GALNTL6: variants seen among roughly 807,000 people sequenced by gnomAD.
The protein encoded by GALNTL6 is polypeptide N-acetylgalactosaminyltransferase-like 6.
GALNTL6 carries 46 observed loss-of-function variants against 73.7 expected under a neutral mutation model. The observed-to-expected ratio is 0.62, with a 90% CI of 0.49 to 0.80. GALNTL6 has a LOEUF of 0.80. GALNTL6 is among the 30% of genes least tolerant of loss of function. GALNTL6 has a pLI of 0.00. For synonymous variants in GALNTL6, 259 were observed against 263.7 expected (o/e 0.98, Z 0.17); for missense variants, 604 against 755.0 (o/e 0.80, Z 2.34).
intron 8 of GALNTL6, among the ~76,000 whole-genome samples, chr4:172,915,729 C>G (rs1579649038): frequency 6.6e-6 from 1 of 152,304 alleles, no homozygotes; most frequent in Middle Eastern, 3.4e-3. Context: ...AGTCCAATAA[C>G]AAGGTCTGAA....
chr4:172,024,979 A>G (rs1741513649), intron 2 of GALNTL6, among the ~76,000 whole-genome samples: 1 of 151,964 alleles, frequency 6.6e-6, no homozygotes. Flanking sequence ...TACCCATCCA[A>G]GATAAATCTT....
At chr4:172,200,382 A>C (rs766769912) in intron 2 of GALNTL6, among the ~76,000 whole-genome samples, 1 of 152,196 alleles carries the variant, frequency 6.6e-6, no homozygotes, top group Non-Finnish European at 1.5e-5. Flanking sequence ...GATTACCTTG[A>C]ATCATTTATA....
At chr4:172,255,449 T>C (rs1738040263) in intron 3 of GALNTL6, among the ~76,000 whole-genome samples, 1 of 151,490 alleles carries the variant, frequency 6.6e-6, no homozygotes, top group Admixed American at 6.6e-5. Context: ...CTATGGGAAA[T>C]CAGTGCCCCT....
chr4:172,232,687 G>T (rs1011785369), intron 3 of GALNTL6, among the ~76,000 whole-genome samples: 1 of 151,992 alleles, frequency 6.6e-6, no homozygotes, highest in Non-Finnish European at 1.5e-5. Context: ...GTGAATATTT[G>T]AAATTGACTT....
intron 8 of GALNTL6, among the ~76,000 whole-genome samples, chr4:172,885,064 C>A (rs959091959): frequency 6.6e-6 from 1 of 152,096 alleles, no homozygotes; most frequent in Non-Finnish European, 1.5e-5. Flanking sequence ...TGGGATGACT[C>A]CAGCTTTGTT....
intron 2 of GALNTL6, among the ~76,000 whole-genome samples, chr4:172,018,781 A>C (rs1464195070): frequency 6.6e-6 from 1 of 152,030 alleles, no homozygotes; most frequent in Non-Finnish European, 1.5e-5. Context: ...TTACTACAAA[A>C]TTTAGTTTGA....
chr4:172,519,342 C>T (rs934318462), intron 5 of GALNTL6, among the ~76,000 whole-genome samples: 1 of 150,582 alleles, frequency 6.6e-6, no homozygotes, highest in African/African-American at 2.4e-5. Context: ...AGCAAAAAAG[C>T]AACAGGGCTC....
chr4:172,447,710 G>A lies in GALNTL6; in HGVS notation c.553+99021G>A, dbSNP rs535430078. 2.6e-5 allele frequency among the ~76,000 whole-genome samples: 4 copies of A among 152,230 alleles called. No homozygotes were observed. The South Asian group carries it at 8.3e-4, about 32-fold the overall frequency. ...TTGAGTTCAGAAAGTCTCATTATAA[G>A]TAATTTCATAGATATTTCTTTATAA... On this transcript the variant is annotated intron_variant, in intron 5 of 12. Transcript: ENST00000506823.
intron 3 of GALNTL6, among the ~76,000 whole-genome samples, chr4:172,311,159 G>A (rs2111143910): frequency 6.6e-6 from 1 of 152,172 alleles, no homozygotes; most frequent in South Asian, 2.1e-4. Context: ...CTTCAAAAAT[G>A]CATAACTGTG....
At chr4:172,048,632 A>G (rs1207279704) in intron 2 of GALNTL6, among the ~76,000 whole-genome samples, 1 of 152,224 alleles carries the variant, frequency 6.6e-6, no homozygotes. Flanking sequence ...TATTATTTTC[A>G]TGAACTAAAA....
At chr4:172,185,717 A>T (rs540676687) in intron 2 of GALNTL6, among the ~76,000 whole-genome samples, 1 of 152,334 alleles carries the variant, frequency 6.6e-6, no homozygotes, top group South Asian at 2.1e-4. Context: ...CTAATTTCTA[A>T]GTCATACCCT....
chr4:172,423,234 G>T (rs974234452), intron 5 of GALNTL6, among the ~76,000 whole-genome samples: 89 of 152,016 alleles, frequency 5.9e-4, no homozygotes, highest in African/African-American at 2.1e-3. Flanking sequence ...GTCCTTTCTA[G>T]TAGCCAAAGT....
chr4:172,737,538 G>T (rs979797081), intron 5 of GALNTL6, among the ~76,000 whole-genome samples: 2 of 152,090 alleles, frequency 1.3e-5, no homozygotes, highest in African/African-American at 4.8e-5. Context: ...TTATCTTGGA[G>T]ATCACTGAGT....
At chr4:172,339,749 G>C (rs1208969709) in intron 4 of GALNTL6, among the ~76,000 whole-genome samples, 2 of 152,200 alleles carry the variant, frequency 1.3e-5, no homozygotes, top group Non-Finnish European at 2.9e-5. Context: ...GGAAAGGTGA[G>C]TCACAAAGGA....
rs773715931 is a variant in GALNTL6, at chr4:172,499,546, A to G, written c.553+150857A>G. Among the ~76,000 whole-genome samples the G allele has an allele frequency of 1.3e-5, 2 of 152,220 alleles. 1 individual carries two copies. Among genetic ancestry groups the G allele is most frequent in the South Asian group, 4.1e-4 (2 of 4,834 alleles). On this transcript the variant is annotated intron_variant, in intron 5 of 12. Transcript: ENST00000506823. ...CCAGAGTTTCATAATATAATATCCA[A>G]AATATCCAGGACAGAATAAAAAGTT...
chr4:171,986,140 G>T (rs181162097), intron 2 of GALNTL6, among the ~76,000 whole-genome samples: 124 of 151,876 alleles, frequency 8.2e-4, no homozygotes, highest in African/African-American at 2.7e-3. Flanking sequence ...CACCAAACAG[G>T]CTTTGTGTGA....
chr4:172,365,385 G>A (rs2111247129), intron 5 of GALNTL6, among the ~76,000 whole-genome samples: 1 of 152,220 alleles, frequency 6.6e-6, no homozygotes, highest in Admixed American at 6.5e-5. Context: ...TCATGGTCAT[G>A]CTGACATTAG....
chr4:172,596,593 T>C (rs1737865969), intron 5 of GALNTL6, among the ~76,000 whole-genome samples: 1 of 152,226 alleles, frequency 6.6e-6, no homozygotes, highest in Non-Finnish European at 1.5e-5. Context: ...CATTGAAGAC[T>C]CTCAGGTTCT....
chr4:172,048,018 G>T (rs190038488), intron 2 of GALNTL6, among the ~76,000 whole-genome samples: 1 of 151,930 alleles, frequency 6.6e-6, no homozygotes, highest in South Asian at 2.1e-4. Context: ...TAATAACATC[G>T]CAAACTCTTT....
Sources: gnomAD v4.1 joint callset for allele counts (sites outside exome capture counted in the v4.1 genomes callset) on GRCh38, gnomAD v4.1.1 for gene constraint, MANE v1.5 for transcripts, NCBI Gene and HGNC (gene_info 2026-07-23, HGNC 2026-07-21) for gene names.